The following UBC variants were observed in gnomAD, a reference collection of about 807,000 sequenced individuals.
UBC encodes the protein ubiquitin C, also known as polyubiquitin-C.
A neutral mutation model predicts 34.7 loss-of-function variants in UBC; 8 were observed. That is an observed-to-expected ratio of 0.23 (90% CI 0.14 to 0.42). The LOEUF is 0.42. Among genes scored for constraint, UBC ranks in the 10% least tolerant of loss-of-function variants. The pLI, the probability that UBC is intolerant of heterozygous loss-of-function variation, is 1.00. For missense variants in UBC, 323 were observed against 750.3 expected (o/e 0.43, Z 6.65); for synonymous variants, 367 against 299.8 (o/e 1.22, Z -2.32).
intron 1 of UBC, 162 bp from the exon 2 acceptor site, chr12:124,913,936 A>T (rs574079364): frequency 1.8e-6 from 2 of 1,110,186 alleles, no homozygotes; most frequent in East Asian, 2.5e-5. Context: ...CCGGAGCTTC[A>T]GCTACTTAAG....
At chr12:124,913,934 T>C (rs1953567609) in intron 1 of UBC, 160 bp from the exon 2 acceptor site, 2 of 1,133,196 alleles carry the variant, frequency 1.8e-6, no homozygotes, top group Admixed American at 2.8e-5. Context: ...AACCGGAGCT[T>C]CAGCTACTTA....
intron 1 of UBC, chr12:124,914,016 C>CG (rs1252321113): frequency 1.7e-6 from 1 of 604,310 alleles, no homozygotes; most frequent in East Asian, 3.2e-5. Context: ...AGAGGTCCGG[C>CG]GCCTGTCGAT....
Position 124,913,800 on chromosome 12 carries a change from G to C in UBC, c.-3-26C>G, listed in dbSNP as rs755975331. The C allele has an allele frequency of 1.9e-6, 3 of 1,611,454 alleles. No homozygotes were observed. In the Admixed American group the frequency reaches 5.0e-5, roughly 27 times the overall value. ...CTAACAAAAAAGCCAAAAACGGCCA[G>C]AATTTAGCGGACAATTTACTAGTCT... On this transcript the variant is annotated intron_variant, in intron 1 of 1. Transcript: ENST00000339647.
Position 124,913,624 on chromosome 12 carries a change from G to A in UBC, c.148C>T (p.Leu50=), listed in dbSNP as rs1414013474. Residue 50 remains leucine, a synonymous_variant, in exon 2 of 2, where the codon CTG becomes TTG. Transcript: ENST00000339647. ...TCAGACAGGGTGCGCCCATCTTCCA[G>A]CTGTTTTCCAGCAAAGATCAGCCTC... ...QQRLIFAGKQ[L]EDGRTLSDYN... is the part of the protein sequence containing the mutation. 6.2e-7 allele frequency: 1 copy of A among 1,613,196 alleles called. No individual in the cohort carries two copies. The highest frequency in any genetic ancestry group is 8.5e-7 in the Non-Finnish European group (1 of 1,179,724).
chr12:124,914,276 A>G (rs1410489354), intron 1 of UBC: 1 of 181,542 alleles, frequency 5.5e-6, no homozygotes, highest in Non-Finnish European at 1.2e-5. Flanking sequence ...GGGTCCCCAG[A>G]TGGTGCCCCA....
In UBC at chr12:124,911,667, T is replaced by C. The variant is rs1953528094; in HGVS notation, c.*47A>G. 1 of 1,489,108 alleles carries C rather than the reference T, an allele frequency of 6.7e-7. No individual in the cohort carries two copies. The highest frequency in any genetic ancestry group is 9.2e-7 in the Non-Finnish European group (1 of 1,087,156). 92.2% of individuals were successfully genotyped at this position (1,489,108 alleles called of 1,614,324 possible). A position where few individuals can be genotyped will look rare whatever the true frequency, so the allele number is the denominator to read the frequency against. ...CCAATTGGGAATGCAACAACTTTATTGAAAGGAAAGTGCAATGAAATTTGT... is the reference window on the plus strand; with the variant it reads ...CCAATTGGGAATGCAACAACTTTATCGAAAGGAAAGTGCAATGAAATTTGT... On this transcript the variant is annotated 3_prime_UTR_variant, in exon 2 of 2. Coordinates refer to ENST00000339647, the MANE Select transcript of UBC (RefSeq NM_021009.7).
intron 1 of UBC, 88 bp from the exon 2 acceptor site, chr12:124,913,862 T>G: frequency 6.4e-7 from 1 of 1,555,834 alleles, no homozygotes. Context: ...AATGATTACA[T>G]TTCAAAAGGT....
chr12:124,914,649 C>G lies in UBC; in HGVS notation c.-66G>C, dbSNP rs1270634155. The G allele has an allele frequency of 2.0e-5, 3 of 152,388 alleles. No individual in the cohort carries two copies. The highest frequency in any genetic ancestry group is 4.8e-5 in the African/African-American group (2 of 41,482). The allele number at this position is 152,388 out of a possible 1,614,324, so 9.4% of individuals were successfully genotyped here. ...GACCCAAATCCCGGCTGCGACGGAA[C>G]TAGCTGTGCCACACCCGGCGCGTCC... is the stretch of plus-strand genomic sequence containing the variant. On this transcript the variant is annotated 5_prime_UTR_variant, in exon 1 of 2. Coordinates refer to ENST00000339647, the MANE Select transcript of UBC (RefSeq NM_021009.7).
At chr12:124,914,300 G>GAGT (rs1216904141) in intron 1 of UBC, 3 of 170,302 alleles carry the variant, frequency 1.8e-5, no homozygotes, top group Admixed American at 1.7e-4. Flanking sequence ...CATCTCACCC[G>GAGT]AATAAGAGCT....
rs1490065791 is a variant in UBC at position 124,913,184 on chromosome 12, G to A, written c.588C>T (p.Ile196=). The part of the protein sequence containing the change: ...EGIPPDQQRL[I]FAGKQLEDGR... ...CATCTTCCAGCTGTTTTCCGGCAAA[G>A]ATCAACCTCTGCTGATCAGGAGGAA... is the stretch of plus-strand genomic sequence containing the variant. The change falls in exon 2 of 2, where the codon ATC becomes ATT. Residue 196 remains isoleucine (I), a synonymous_variant. Transcript: ENST00000339647. 1.9e-6 allele frequency: 3 copies of A among 1,611,708 alleles called. No individual in the cohort carries two copies. Among genetic ancestry groups the A allele is most frequent in the Middle Eastern group, 1.7e-4 (1 of 5,964 alleles).
chr12:124,911,783 G>A lies in UBC; in HGVS notation c.1989C>T (p.Thr663=), dbSNP rs1953530028. 10 of 1,613,756 alleles carry A rather than the reference G, an allele frequency of 6.2e-6. No homozygotes were observed. Among genetic ancestry groups the A allele is most frequent in the Non-Finnish European group, 7.6e-6 (9 of 1,179,850 alleles). The change falls in exon 2 of 2, where the codon ACC becomes ACT. Residue 663 remains threonine (T), a synonymous_variant. Coordinates refer to ENST00000339647, the MANE Select transcript of UBC (RefSeq NM_021009.7). ...FAGKQLEDGR[T]LSDYNIQKES... ...CTTTCTGGATGTTGTAGTCAGACAG[G>A]GTGCGTCCATCTTCCAGCTGTTTCC...
intron 1 of UBC, 192 bp downstream of exon 1, chr12:124,914,395 C>T (rs907694868): frequency 1.3e-5 from 2 of 156,454 alleles, no homozygotes; most frequent in Non-Finnish European, 1.4e-5. Context: ...TCACAGCCCG[C>T]CTCACAAGCG....
rs1953589663 is a variant in UBC, at chr12:124,914,614, CAAGAACTGCGACCCAAA to C, written c.-48_-32del. ...AGTGACGATCACAGCGATCCACAAA[CAAGAACTGCGACCCAAA>C]TCCCGGCTGCGACGGAACTAGCTGT... On this transcript the variant is annotated 5_prime_UTR_variant, in exon 1 of 2. Transcript: ENST00000339647. The C allele has an allele frequency of 6.6e-6, 1 of 152,458 alleles. No homozygotes were observed. The highest frequency in any genetic ancestry group is 1.5e-5 in the Non-Finnish European group (1 of 68,202). 9.4% of individuals were successfully genotyped at this position (152,458 alleles called of 1,614,324 possible). A position where few individuals can be genotyped will look rare whatever the true frequency, so the allele number is the denominator to read the frequency against.
In UBC at chr12:124,913,779, CA is replaced by C. The variant is rs750901520; in HGVS notation, c.-3-6del. 5.0e-6 allele frequency: 8 copies of C among 1,605,960 alleles called. No individual in the cohort carries two copies. In the Middle Eastern group the frequency reaches 6.6e-4, roughly 133 times the overall value. ...CTTCACGAAGATCTGCATTGTCTAA[CA>C]AAAAAGCCAAAAACGGCCAGAATTT... On this transcript the variant is annotated splice_region_variant and splice_polypyrimidine_tract_variant and intron_variant, in intron 1 of 1. Transcript: ENST00000339647.
In UBC at chr12:124,913,908, C is replaced by G. The variant is rs1020739724; in HGVS notation, c.-3-134G>C. 4.3e-6 allele frequency: 6 copies of G among 1,393,388 alleles called. No homozygotes were observed. The African/African-American group carries it at 8.7e-5, about 20-fold the overall frequency. The allele number at this position is 1,393,388 out of a possible 1,614,324, so 86.3% of individuals were successfully genotyped here. On this transcript the variant is annotated intron_variant, in intron 1 of 1. Transcript: ENST00000339647. ...CTTCACAAAACACACTCGCCAACCC[C>G]GAGCGCATAGTTCAAAACCGGAGCT...
Position 124,912,786 on chromosome 12 carries a change from T to G in UBC, c.986A>C (p.Asn329Thr), listed in dbSNP as rs1953541327. ...LEVEPSDTIE[N>T]VKAKIQDKEG... ...CTTGTCTTGGATCTTTGCCTTGACA[T>G]TCTCAATGGTGTCACTCGGCTCCAC... The change falls in exon 2 of 2, where the codon AAT becomes ACT. Residue 329 changes from asparagine (N) to threonine (T), a missense_variant. Around this residue, in one of 5 missense-constraint regions of UBC, gnomAD observed 66 missense variants for 125.4 expected, o/e 0.53. Transcript: ENST00000339647. 6.2e-7 allele frequency: 1 copy of G among 1,602,680 alleles called. No homozygotes were observed. The highest frequency in any genetic ancestry group is 1.4e-5 in the African/African-American group (1 of 71,234).
rs8963 is a variant in UBC, at chr12:124,912,818, A to G, written c.954T>C (p.Thr318=). ...FVKTLTGKTI[T]LEVEPSDTIE... ...TGGTGTCACTCGGCTCCACTTCGAG[A>G]GTGATGGTCTTACCAGTCAGGGTCT... Residue 318 remains threonine, a synonymous_variant, in exon 2 of 2, where the codon ACT becomes ACC. Coordinates refer to ENST00000339647, the MANE Select transcript of UBC (RefSeq NM_021009.7). 0.72 allele frequency: 1,142,734 copies of G among 1,584,808 alleles called. 426,799 individuals are homozygous for G. The highest frequency in any genetic ancestry group is 0.79 in the Non-Finnish European group (913,794 of 1,163,812).
Position 124,913,469 on chromosome 12 carries a change from G to C in UBC, c.303C>G (p.Asn101Lys). Reference protein sequence around the residue: ...LEVEPSDTIENVKAKIQDKEG... With the variant: ...LEVEPSDTIEKVKAKIQDKEG... ...CCTTGTCCTGGATCTTTGCTTTGAC[G>C]TTCTCGATGGTGTCACTGGGCTCGA... The change falls in exon 2 of 2, where the codon AAC becomes AAG. Residue 101 changes from asparagine to lysine, a missense_variant. Asn to Lys is a moderately conservative substitution (Grantham distance 94). This residue lies in a region of UBC where 202 missense variants were observed against 361.9 expected (regional missense o/e 0.56). Transcript: ENST00000339647. The C allele has an allele frequency of 6.2e-7, 1 of 1,600,740 alleles. No individual in the cohort carries two copies. Among genetic ancestry groups the C allele is most frequent in the Non-Finnish European group, 8.5e-7 (1 of 1,176,106 alleles).
In UBC at chr12:124,913,436, A is replaced by G. The variant is rs766500039; in HGVS notation, c.336T>C (p.Ile112=). The G allele has an allele frequency of 6.4e-4, 1,020 of 1,590,474 alleles. 1 individual carries two copies. The highest frequency in any genetic ancestry group is 8.1e-4 in the Non-Finnish European group (945 of 1,172,054). The change falls in exon 2 of 2, where the codon ATT becomes ATC. Residue 112 remains isoleucine, a synonymous_variant. Transcript: ENST00000339647. ...AGATCAACCTCTGCTGGTCAGGAGG[A>G]ATGCCTTCCTTGTCCTGGATCTTTG... ...VKAKIQDKEG[I]PPDQQRLIFA...
Sources: allele counts gnomAD v4.1 joint callset, GRCh38; gene constraint gnomAD v4.1.1; regional missense constraint gnomAD v4.1.1; transcripts MANE v1.5; gene names NCBI Gene and HGNC (gene_info 2026-07-23, HGNC 2026-07-21).